Variants in DIAPH3 observed in about 807,000 individuals in gnomAD.
The protein encoded by DIAPH3 is diaphanous related formin 3.
A neutral mutation model predicts 144.3 loss-of-function variants in DIAPH3; 117 were observed. The ratio of observed to expected loss-of-function variants is 0.81; its 90% CI spans 0.70 to 0.95. DIAPH3 has a LOEUF of 0.95. DIAPH3 is among the 40% of genes least tolerant of loss of function. DIAPH3 has a pLI of 0.00. For synonymous variants in DIAPH3, 519 were observed against 488.9 expected, an observed-to-expected ratio of 1.06 and a Z score of -0.81; for missense variants, 1,421 against 1,412.7, an observed-to-expected ratio of 1.01 and a Z score of -0.09.
chr13:59,892,027 C>T (rs1394175759), intron 20 of DIAPH3, among the ~76,000 whole-genome samples: 1 of 151,580 alleles, frequency 6.6e-6, no homozygotes, highest in African/African-American at 2.4e-5. Context: ...AAACAAGCAA[C>T]AACAACAACA....
intron 24 of DIAPH3, among the ~76,000 whole-genome samples, chr13:59,814,864 C>G (rs2040681229): frequency 1.3e-5 from 2 of 152,192 alleles, no homozygotes; most frequent in African/African-American, 2.4e-5. Context: ...GGAATGATAA[C>G]CACCATTCTA....
chr13:59,711,714 C>G (rs555080862), intron 27 of DIAPH3, among the ~76,000 whole-genome samples: 15 of 152,080 alleles, frequency 9.9e-5, no homozygotes, highest in Non-Finnish European at 1.8e-4. Flanking sequence ...AATTTTTGGC[C>G]TATGTTCCTA....
intron 4 of DIAPH3, among the ~76,000 whole-genome samples, chr13:60,088,371 C>T (rs549715504): frequency 9.2e-5 from 14 of 152,198 alleles, no homozygotes; most frequent in African/African-American, 3.1e-4. Flanking sequence ...TTTTGGTTCT[C>T]CTTTCCTATC....
chr13:59,699,498 A>G (rs139618136), intron 27 of DIAPH3, among the ~76,000 whole-genome samples: 45 of 152,298 alleles, frequency 3.0e-4, no homozygotes, highest in African/African-American at 8.9e-4. Context: ...ATCTCATCCA[A>G]TCTGACTTAC....
intron 4 of DIAPH3, among the ~76,000 whole-genome samples, chr13:60,065,750 A>C (rs1395002833): frequency 6.6e-6 from 1 of 152,202 alleles, no homozygotes; most frequent in Non-Finnish European, 1.5e-5. Flanking sequence ...GCCAACTACT[A>C]AAATAACTAC....
chr13:59,666,476 T>C lies in DIAPH3; in HGVS notation c.*108A>G. On this transcript the variant is annotated 3_prime_UTR_variant, in exon 28 of 28. Coordinates refer to ENST00000400324, the MANE Select transcript of DIAPH3 (RefSeq NM_001042517.2). ...TTTATTTTTCTAATATATATCATAA[T>C]TTAAAACTATATAAAGTCACTTACA... 7.9e-7 allele frequency: 1 copy of C among 1,270,008 alleles called. No homozygotes were observed. The highest frequency in any genetic ancestry group is 1.1e-6 in the Non-Finnish European group (1 of 922,454). 78.7% of individuals were successfully genotyped at this position (1,270,008 alleles called of 1,614,324 possible).
At chr13:60,094,304 T>C (rs936837356) in intron 3 of DIAPH3, among the ~76,000 whole-genome samples, 2 of 152,208 alleles carry the variant, frequency 1.3e-5, no homozygotes, top group Admixed American at 6.5e-5. Flanking sequence ...AAAGTTGTAC[T>C]TATAAAAACA....
chr13:60,052,959 T>TTAAAAAAAAAAAAAAAA (rs2056408136), intron 4 of DIAPH3, among the ~76,000 whole-genome samples: 1 of 40,660 alleles, frequency 2.5e-5, no homozygotes, highest in Non-Finnish European at 4.0e-5. Flanking sequence ...GACTCCCTCT[T>TTAAAAAAAAAAAAAAAA]AAAAAAAAAA....
intron 2 of DIAPH3, among the ~76,000 whole-genome samples, chr13:60,128,366 A>T (rs1198309504): frequency 6.6e-6 from 1 of 152,144 alleles, no homozygotes; most frequent in East Asian, 1.9e-4. Flanking sequence ...TGCTGCAATG[A>T]CCATACGTGT....
chr13:59,682,850 GT>G (rs978470623), intron 27 of DIAPH3, among the ~76,000 whole-genome samples: 16 of 152,122 alleles, frequency 1.1e-4, no homozygotes, highest in Non-Finnish European at 1.9e-4. Flanking sequence ...TGGTGTTGTA[GT>G]TTTTTGTGCC....
rs187218916 is a variant in DIAPH3, at chr13:59,718,624, T to G, written c.3320-51778A>C. Among the ~76,000 whole-genome samples, 88 of 152,318 alleles carry G rather than the reference T, an allele frequency of 5.8e-4. 1 individual carries two copies. In the East Asian group the frequency reaches 0.016, roughly 27 times the overall value. ...GTCAAATTGTTATGTCTTCTAATAA[T>G]AGACCTTATAAAGAAACATTAATAT... On this transcript the variant is annotated intron_variant, in intron 27 of 27. Coordinates refer to ENST00000400324, the MANE Select transcript of DIAPH3 (RefSeq NM_001042517.2).
At chr13:60,070,343 T>G (rs1022211558) in intron 4 of DIAPH3, among the ~76,000 whole-genome samples, 2 of 151,776 alleles carry the variant, frequency 1.3e-5, no homozygotes, top group Admixed American at 1.3e-4. Context: ...TGCAGGGTAT[T>G]GCTAGCAGCT....
chr13:59,916,179 T>C lies in DIAPH3; in HGVS notation c.2241A>G (p.Thr747=), dbSNP rs1324219946. The C allele has an allele frequency of 7.4e-6, 12 of 1,613,038 alleles. 1 individual carries two copies. In the Admixed American group the frequency reaches 2.0e-4, roughly 27 times the overall value. ...IRMMILEVDE[T]RLAESMIQNL... is the part of the protein sequence containing the mutation. ...CCTGAATCATAGACTCTGCCAACCG[T>C]GTTTCATCTACTTCCAATATCATCA... Residue 747 remains threonine (T), a synonymous_variant, in exon 19 of 28, where the codon ACA becomes ACG. Coordinates refer to ENST00000400324, the MANE Select transcript of DIAPH3 (RefSeq NM_001042517.2).
At chr13:59,757,488 C>T (rs2037345787) in intron 27 of DIAPH3, among the ~76,000 whole-genome samples, 1 of 150,096 alleles carries the variant, frequency 6.7e-6, no homozygotes, top group Admixed American at 6.6e-5. Context: ...GCAAGCTCCG[C>T]CTCCCAGGTT....
intron 23 of DIAPH3, among the ~76,000 whole-genome samples, chr13:59,835,931 T>A (rs561295680): frequency 1.3e-5 from 2 of 151,940 alleles, no homozygotes; most frequent in African/African-American, 4.8e-5. Context: ...ATCTACCCAG[T>A]GATTTCAGAA....
At chr13:60,105,214 G>T (rs1178722529) in intron 3 of DIAPH3, among the ~76,000 whole-genome samples, 2 of 149,974 alleles carry the variant, frequency 1.3e-5, no homozygotes, top group Non-Finnish European at 3.0e-5. Flanking sequence ...TTTACATAAA[G>T]GATAAAATGG....
At chr13:59,912,619 C>T (rs1261833002) in intron 19 of DIAPH3, among the ~76,000 whole-genome samples, 1 of 152,084 alleles carries the variant, frequency 6.6e-6, no homozygotes, top group Non-Finnish European at 1.5e-5. Flanking sequence ...TATCAAAATA[C>T]AATCAACTAT....
At chr13:60,050,257 G>A (rs1456472908) in intron 4 of DIAPH3, among the ~76,000 whole-genome samples, 3 of 152,004 alleles carry the variant, frequency 2.0e-5, no homozygotes, top group Non-Finnish European at 4.4e-5. Context: ...GAAGAGGAGA[G>A]GACATGGGAA....
chr13:59,832,987 G>T, intron 24 of DIAPH3, 120 bp downstream of exon 24: 1 of 818,468 alleles, frequency 1.2e-6, no homozygotes, highest in Non-Finnish European at 2.0e-6. Context: ...AAATTTTATA[G>T]CTTTCAAAAT....
Sources: gnomAD v4.1 joint callset for allele counts (sites outside exome capture counted in the v4.1 genomes callset) on GRCh38, gnomAD v4.1.1 for gene constraint, MANE v1.5 for transcripts, NCBI Gene and HGNC (gene_info 2026-07-23, HGNC 2026-07-21) for gene names.